WHRN: variants seen among roughly 807,000 people sequenced by gnomAD.
WHRN encodes CASK-interacting protein CIP98.
WHRN carries 41 observed loss-of-function variants against 68.3 expected under a neutral mutation model. That is an observed-to-expected ratio of 0.60 (90% CI 0.47 to 0.78). The LOEUF is 0.78. Ranked by LOEUF, WHRN falls within the 30% of genes least tolerant of loss-of-function variation. WHRN has a pLI of 0.00. For synonymous variants in WHRN, 560 were observed against 561.3 expected (o/e 1.00, Z 0.03); for missense variants, 1,243 against 1,244.7 (o/e 1.00, Z 0.02).
chr9:114,446,075 G>A (rs1838797762), intron 3 of WHRN, among the ~76,000 whole-genome samples: 1 of 152,140 alleles, frequency 6.6e-6, no homozygotes, highest in African/African-American at 2.4e-5. Context: ...AGAAGAGAAT[G>A]ACAGAAACTA....
intron 3 of WHRN, among the ~76,000 whole-genome samples, chr9:114,434,553 GCTC>G (rs1419001880): frequency 7.3e-5 from 11 of 151,024 alleles, no homozygotes; most frequent in Non-Finnish European, 1.0e-4. Flanking sequence ...CTTCTCCGGG[GCTC>G]CTCATCTCAT....
intron 3 of WHRN, among the ~76,000 whole-genome samples, chr9:114,456,820 C>A (rs1318935490): frequency 5.0e-5 from 3 of 60,032 alleles, no homozygotes; most frequent in Non-Finnish European, 1.1e-4. Context: ...CAGAGCAAGA[C>A]TATCTCAAAA....
intron 3 of WHRN, among the ~76,000 whole-genome samples, chr9:114,447,898 C>G (rs1248910980): frequency 1.3e-5 from 2 of 152,174 alleles, no homozygotes; most frequent in Non-Finnish European, 2.9e-5. Flanking sequence ...TGAGTACTAT[C>G]AGCAAAACCT....
At position 114,494,929 on chromosome 9, in the gene WHRN, G is replaced by GT. The variant is rs545060761; in HGVS notation, c.618+9254_618+9255insA. On this transcript the variant is annotated intron_variant, in intron 1 of 11. Transcript: ENST00000362057. ...AGAAGTGAGAAAGGCCATGACACTG[G>GT]GGGGGGGAGCGGGTTTCAGGAGGGA... Among the ~76,000 whole-genome samples the GT allele has an allele frequency of 8.1e-3, 864 of 107,236 alleles. 4 individuals are homozygous for GT. Among genetic ancestry groups the GT allele is most frequent in the African/African-American group, 0.035 (828 of 23,634 alleles). The allele number at this position is 107,236 out of a possible 152,430, so 70.4% of individuals were successfully genotyped here.
At chr9:114,443,973 T>C (rs536567119) in intron 3 of WHRN, among the ~76,000 whole-genome samples, 13 of 152,302 alleles carry the variant, frequency 8.5e-5, no homozygotes, top group African/African-American at 3.1e-4. Flanking sequence ...AAACCCCTTA[T>C]AAAATCATGG....
chr9:114,459,577 G>A (rs1840079965), intron 3 of WHRN, among the ~76,000 whole-genome samples: 2 of 152,208 alleles, frequency 1.3e-5, no homozygotes, highest in South Asian at 4.1e-4. Flanking sequence ...TCAGTCCAGA[G>A]AAGGCAAGTG....
chr9:114,449,801 A>G (rs1476107221), intron 3 of WHRN, among the ~76,000 whole-genome samples: 1 of 152,222 alleles, frequency 6.6e-6, no homozygotes, highest in Non-Finnish European at 1.5e-5. Context: ...CAGTCTTGCC[A>G]CAAGCCAATC....
chr9:114,418,633 GC>G (rs1836004103), intron 7 of WHRN, among the ~76,000 whole-genome samples: 1 of 152,202 alleles, frequency 6.6e-6, no homozygotes. Flanking sequence ...CTCTGCTCTG[GC>G]CTTATTGGCC....
chr9:114,454,348 A>T (rs994245306), intron 3 of WHRN, among the ~76,000 whole-genome samples: 3 of 152,222 alleles, frequency 2.0e-5, no homozygotes, highest in Non-Finnish European at 4.4e-5. Flanking sequence ...AAAATTTCAG[A>T]CTCTGCAATA....
intron 1 of WHRN, among the ~76,000 whole-genome samples, chr9:114,483,429 G>A (rs10817624): frequency 0.41 from 63,085 of 152,064 alleles, 15,003 homozygotes; most frequent in East Asian, 0.58. Context: ...ATTTTAACGG[G>A]CATCATTCAA....
At chr9:114,479,871 T>C (rs1841965556) in intron 1 of WHRN, among the ~76,000 whole-genome samples, 1 of 152,134 alleles carries the variant, frequency 6.6e-6, no homozygotes, top group Non-Finnish European at 1.5e-5. Flanking sequence ...AAAACCACCC[T>C]GGCCAACATG....
intron 3 of WHRN, among the ~76,000 whole-genome samples, chr9:114,463,980 T>C (rs1222590292): frequency 1.3e-5 from 2 of 152,148 alleles, no homozygotes; most frequent in Non-Finnish European, 2.9e-5. Flanking sequence ...GCCTGTAAAA[T>C]GGTGCTCACC....
At position 114,406,831 on chromosome 9, in the gene WHRN, G is replaced by C; in HGVS notation, c.1760C>G (p.Pro587Arg). The C allele has an allele frequency of 6.2e-7, 1 of 1,607,422 alleles. No homozygotes were observed. Among genetic ancestry groups the C allele is most frequent in the Non-Finnish European group, 8.5e-7 (1 of 1,176,888 alleles). The change falls in exon 9 of 12, where the codon CCT becomes CGT. Residue 587 changes from proline (P) to arginine (R), a missense_variant. Coordinates refer to ENST00000362057, the MANE Select transcript of WHRN (RefSeq NM_015404.4). Reference protein sequence around the residue: ...SSFKPLPRPPPLAQGNDLPLG... With the variant: ...SSFKPLPRPPRLAQGNDLPLG... ...TGGGAGGTCGTTGCCTTGGGCCAGA[G>C]GTGGTGGGCGAGGCAGTGGCTTGAA...
chr9:114,413,616 G>A (rs1416974383), intron 7 of WHRN, among the ~76,000 whole-genome samples: 2 of 152,198 alleles, frequency 1.3e-5, no homozygotes, highest in African/African-American at 2.4e-5. Flanking sequence ...AAAGGGAAAG[G>A]TCAGAGGTGC....
chr9:114,413,659 A>C (rs1176527339), intron 7 of WHRN, among the ~76,000 whole-genome samples: 1 of 152,232 alleles, frequency 6.6e-6, no homozygotes, highest in Non-Finnish European at 1.5e-5. Flanking sequence ...GAAAGCAGCT[A>C]ACTGGGCCCC....
rs1197581043 is a variant in WHRN at position 114,423,309 on chromosome 9, C to A, written c.1626+5G>T. ...TAAGCCAGGGACAAGGCAGAAGAAG[C>A]TCACCCTGGCCGAGCTGACGGTGGT... On this transcript the variant is annotated splice_donor_5th_base_variant and intron_variant, in intron 7 of 11. Coordinates refer to ENST00000362057, the MANE Select transcript of WHRN (RefSeq NM_015404.4). The A allele has an allele frequency of 6.2e-7, 1 of 1,613,880 alleles. No homozygotes were observed. The highest frequency in any genetic ancestry group is 1.7e-5 in the Admixed American group (1 of 60,022).
chr9:114,424,931 C>T, intron 5 of WHRN, 57 bp downstream of exon 5: 1 of 1,589,450 alleles, frequency 6.3e-7, no homozygotes, highest in Non-Finnish European at 8.6e-7. Context: ...GCTGGCCAGA[C>T]CTCCTCACTC....
At chr9:114,423,061 G>C (rs1211299398) in intron 7 of WHRN, among the ~76,000 whole-genome samples, 1 of 151,650 alleles carries the variant, frequency 6.6e-6, no homozygotes, top group Non-Finnish European at 1.5e-5. Context: ...CAGCTTCCCA[G>C]ACTGCAAGCC....
In WHRN at chr9:114,402,888, T is replaced by A; in HGVS notation, c.2590A>T (p.Ile864Phe). Residue 864 changes from isoleucine to phenylalanine, a missense_variant, in exon 12 of 12, where the codon ATT (isoleucine) becomes TTT (phenylalanine). Ile to Phe is a conservative substitution (Grantham distance 21). Coordinates refer to ENST00000362057, the MANE Select transcript of WHRN (RefSeq NM_015404.4). Reference sequence around the variant, plus strand: ...AGCGTCAGCCCATTCACTTCCAGAATCACGTGGCCCACCTTGAGCTGCCCA... The same window carrying A: ...AGCGTCAGCCCATTCACTTCCAGAAACACGTGGCCCACCTTGAGCTGCCCA... ...NCGQLKVGHV[I>F]LEVNGLTLRG... 6.2e-7 allele frequency: 1 copy of A among 1,613,886 alleles called. No individual in the cohort carries two copies. The highest frequency in any genetic ancestry group is 1.1e-5 in the South Asian group (1 of 91,076).
Sources: allele counts gnomAD v4.1 joint callset (sites outside exome capture counted in the v4.1 genomes callset), GRCh38; gene constraint gnomAD v4.1.1; transcripts MANE v1.5; gene names NCBI Gene and HGNC (gene_info 2026-07-23, HGNC 2026-07-21).